Variants in LRRC7 observed in about 807,000 individuals in gnomAD.
LRRC7 encodes leucine-rich repeat-containing protein 7.
In LRRC7, 23 loss-of-function variants were observed where a neutral mutation model predicts 175.7. The observed-to-expected ratio is 0.13, with a 90% CI of 0.09 to 0.19. LRRC7 has a LOEUF of 0.19. Among genes scored for constraint, LRRC7 ranks in the 10% least tolerant of loss-of-function variants. The probability of loss-of-function intolerance (pLI) is 1.00; values close to 1 mark genes in which losing one functional copy is unlikely to be tolerated. For synonymous variants in LRRC7, 685 were observed against 680.9 expected (o/e 1.01, Z -0.09); for missense variants, 1,354 against 1,904.7 (o/e 0.71, Z 5.38).
chr1:69,943,044 G>A (rs1648900595), intron 8 of LRRC7, among the ~76,000 whole-genome samples: 1 of 152,026 alleles, frequency 6.6e-6, no homozygotes. Context: ...CAAGACAATT[G>A]TTTTTCTTCC....
At chr1:69,966,868 C>A (rs1158282466) in intron 8 of LRRC7, among the ~76,000 whole-genome samples, 3 of 152,190 alleles carry the variant, frequency 2.0e-5, no homozygotes. Context: ...AGCAGGGCTG[C>A]CAGAGGCACT....
At position 69,611,294 on chromosome 1, in the gene LRRC7, T is replaced by G. The variant is rs115095863; in HGVS notation, c.2+42653T>G. 9.1e-3 allele frequency among the ~76,000 whole-genome samples: 1,391 copies of G among 152,090 alleles called. 11 individuals are homozygous for G. The highest frequency in any genetic ancestry group is 0.013 in the Non-Finnish European group (850 of 67,968). Reference sequence around the variant, plus strand: ...ATTTTTCCTAGGTTGTCATTTGCCTTTTACCTTATTTACCTTATTTTGGTT... The same window carrying G: ...ATTTTTCCTAGGTTGTCATTTGCCTGTTACCTTATTTACCTTATTTTGGTT... On this transcript the variant is annotated intron_variant, in intron 1 of 26. Transcript: ENST00000651989.
intron 7 of LRRC7, among the ~76,000 whole-genome samples, chr1:69,878,826 G>A (rs1035411956): frequency 6.7e-6 from 1 of 148,344 alleles, no homozygotes; most frequent in Non-Finnish European, 1.5e-5. Flanking sequence ...ATATATAAAA[G>A]AACAAGCTGT....
At chr1:69,903,387 CT>C in intron 7 of LRRC7, among the ~76,000 whole-genome samples, 1 of 152,292 alleles carries the variant, frequency 6.6e-6, no homozygotes, top group South Asian at 2.1e-4. Context: ...AGGGAACTCC[CT>C]CCCCTAGCCA....
chr1:69,720,302 CTA>C (rs2100776708), intron 2 of LRRC7, among the ~76,000 whole-genome samples: 1 of 151,426 alleles, frequency 6.6e-6, no homozygotes, highest in East Asian at 1.9e-4. Context: ...AGTGGTTACT[CTA>C]GAGATTGCAC....
At chr1:69,619,381 G>T (rs1026465169) in intron 1 of LRRC7, among the ~76,000 whole-genome samples, 1 of 148,986 alleles carries the variant, frequency 6.7e-6, no homozygotes, top group African/African-American at 2.4e-5. Flanking sequence ...ACTGCAGCTC[G>T]CTTACTGTCA....
intron 1 of LRRC7, among the ~76,000 whole-genome samples, chr1:69,663,419 T>C (rs1449416754): frequency 1.3e-5 from 2 of 152,186 alleles, no homozygotes; most frequent in African/African-American, 2.4e-5. Context: ...TGCATACAAA[T>C]GATATTAGGA....
chr1:69,972,235 C>T (rs918348994), intron 8 of LRRC7, among the ~76,000 whole-genome samples: 1 of 152,160 alleles, frequency 6.6e-6, no homozygotes, highest in Non-Finnish European at 1.5e-5. Flanking sequence ...TAACCAAGAA[C>T]CCAAAAGCAA....
intron 2 of LRRC7, among the ~76,000 whole-genome samples, chr1:69,710,324 G>GGT (rs1393685043): frequency 6.6e-6 from 1 of 150,402 alleles, no homozygotes; most frequent in Non-Finnish European, 1.5e-5. Flanking sequence ...TGTCAAGACA[G>GGT]GTTACCCAGA....
chr1:69,963,627 GT>G (rs973358776), intron 8 of LRRC7, among the ~76,000 whole-genome samples: 1 of 151,916 alleles, frequency 6.6e-6, no homozygotes, highest in African/African-American at 2.4e-5. Flanking sequence ...AGTTTTTTGT[GT>G]TTTTTTTGGA....
At chr1:69,962,879 G>A (rs1196106831) in intron 8 of LRRC7, among the ~76,000 whole-genome samples, 1 of 151,944 alleles carries the variant, frequency 6.6e-6, no homozygotes, top group African/African-American at 2.4e-5. Flanking sequence ...CGGATGCTAA[G>A]CTTAATACTT....
intron 2 of LRRC7, among the ~76,000 whole-genome samples, chr1:69,696,225 G>T (rs1433015523): frequency 6.6e-6 from 1 of 152,188 alleles, no homozygotes; most frequent in Non-Finnish European, 1.5e-5. Flanking sequence ...AGTGTTCCCA[G>T]GTTGTGGGAC....
intron 7 of LRRC7, among the ~76,000 whole-genome samples, chr1:69,851,427 A>G (rs1276529066): frequency 6.6e-6 from 1 of 152,148 alleles, no homozygotes; most frequent in Non-Finnish European, 1.5e-5. Context: ...CCCAGTAGAA[A>G]GAAAGGAATT....
At chr1:69,714,310 T>G (rs888741013) in intron 2 of LRRC7, among the ~76,000 whole-genome samples, 7 of 152,244 alleles carry the variant, frequency 4.6e-5, no homozygotes, top group Admixed American at 6.5e-5. Flanking sequence ...TTTAAAAGTA[T>G]GAAGTGCTTA....
In LRRC7 at chr1:70,038,182, A is replaced by G; in HGVS notation, c.2358A>G (p.Pro786=). The part of the protein sequence containing the change: ...PLLSQREAVP[P]GNIPQRPDRL... ...TCAGCCAGCGGGAGGCTGTTCCCCC[A>G]GGCAATATACCACAGCGTCCTGACC... Residue 786 remains proline (P), a synonymous_variant, in exon 21 of 27, where the codon CCA becomes CCG. Coordinates refer to ENST00000651989, the MANE Select transcript of LRRC7 (RefSeq NM_001370785.2). 1 of 1,614,034 alleles carries G rather than the reference A, an allele frequency of 6.2e-7. No individual in the cohort carries two copies. The highest frequency in any genetic ancestry group is 8.5e-7 in the Non-Finnish European group (1 of 1,179,980).
chr1:69,889,599 A>G (rs572278487), intron 7 of LRRC7, among the ~76,000 whole-genome samples: 1 of 152,276 alleles, frequency 6.6e-6, no homozygotes, highest in South Asian at 2.1e-4. Flanking sequence ...TTCAGCCCAG[A>G]AGTTCGCTAT....
At chr1:70,021,897 A>G (rs530521400) in intron 16 of LRRC7, among the ~76,000 whole-genome samples, 3 of 152,238 alleles carry the variant, frequency 2.0e-5, no homozygotes, top group Non-Finnish European at 2.9e-5. Context: ...ATAACATTGT[A>G]TGTGTACTTT....
At chr1:69,619,742 A>G (rs1230099088) in intron 1 of LRRC7, among the ~76,000 whole-genome samples, 1 of 152,194 alleles carries the variant, frequency 6.6e-6, no homozygotes, top group Non-Finnish European at 1.5e-5. Context: ...AGAAGCTTGA[A>G]AAATTCTCAA....
intron 1 of LRRC7, among the ~76,000 whole-genome samples, chr1:69,588,640 C>T (rs1051106666): frequency 2.0e-5 from 3 of 152,054 alleles, no homozygotes; most frequent in Non-Finnish European, 2.9e-5. Context: ...AGCCTTGTTT[C>T]TTTCATCTGT....
Sources: allele counts gnomAD v4.1 joint callset (sites outside exome capture counted in the v4.1 genomes callset), GRCh38; gene constraint gnomAD v4.1.1; transcripts MANE v1.5; gene names NCBI Gene and HGNC (gene_info 2026-07-23, HGNC 2026-07-21).